The following EXT2 variants were observed in gnomAD, a reference collection of about 807,000 sequenced individuals.
EXT2 encodes exostosin glycosyltransferase 2.
Under a neutral mutation model 81.6 loss-of-function variants are expected in EXT2, and 53 were observed. The ratio of observed to expected loss-of-function variants is 0.65; its 90% confidence interval spans 0.52 to 0.82. The LOEUF (loss-of-function observed/expected upper bound fraction) is 0.82, where lower values mean the gene tolerates loss of function less well. Among genes scored for constraint, EXT2 ranks in the 40% least tolerant of loss-of-function variants. EXT2 has a pLI of 0.00. For synonymous variants in EXT2, 320 were observed against 340.0 expected, an observed-to-expected ratio of 0.94 and a Z score of 0.65; for missense variants, 774 against 910.2, an observed-to-expected ratio of 0.85 and a Z score of 1.93.
intron 3 of EXT2, among the ~76,000 whole-genome samples, 191 bp downstream of exon 3, chr11:44,109,474 T>C (rs139084852): frequency 3.6e-4 from 55 of 152,384 alleles, no homozygotes; most frequent in African/African-American, 1.3e-3. Flanking sequence ...TTAGGGCTTA[T>C]GTCCTGGCAT....
chr11:44,138,746 C>G (rs1954605447), intron 7 of EXT2, among the ~76,000 whole-genome samples: 1 of 152,126 alleles, frequency 6.6e-6, no homozygotes, highest in Non-Finnish European at 1.5e-5. Flanking sequence ...GTTGGAGAGA[C>G]TTGAATTTGA....
At chr11:44,138,179 A>G (rs910653984) in intron 7 of EXT2, among the ~76,000 whole-genome samples, 2 of 152,188 alleles carry the variant, frequency 1.3e-5, no homozygotes, top group Admixed American at 6.5e-5. Context: ...AATACCAGCA[A>G]CAGAGAACTT....
chr11:44,124,483 A>AC (rs1555005251), intron 4 of EXT2, among the ~76,000 whole-genome samples: 1 of 144,282 alleles, frequency 6.9e-6, no homozygotes. Context: ...ACACACACAC[A>AC]ATTTATAGCA....
intron 10 of EXT2, among the ~76,000 whole-genome samples, chr11:44,211,132 A>G (rs946916613): frequency 8.5e-5 from 13 of 152,338 alleles, no homozygotes; most frequent in African/African-American, 3.1e-4. Context: ...CAGAATAAAG[A>G]GTTTAGAAAT....
chr11:44,135,763 CT>C (rs1954557711), intron 7 of EXT2, among the ~76,000 whole-genome samples: 3 of 152,156 alleles, frequency 2.0e-5, no homozygotes, highest in Admixed American at 2.0e-4. Context: ...TCAGGTTTCA[CT>C]TTATCCTGGA....
chr11:44,159,980 A>G (rs552888005), intron 7 of EXT2, among the ~76,000 whole-genome samples: 73 of 152,356 alleles, frequency 4.8e-4, no homozygotes, highest in African/African-American at 1.4e-3. Flanking sequence ...CTTGTAAAAT[A>G]GTTTCTCCTC....
chr11:44,229,922 A>G (rs1955879424), intron 10 of EXT2, among the ~76,000 whole-genome samples: 1 of 152,230 alleles, frequency 6.6e-6, no homozygotes, highest in African/African-American at 2.4e-5. Flanking sequence ...TGCGTGGAAT[A>G]CCACAGTGTA....
chr11:44,196,198 CA>C (rs773481588), intron 8 of EXT2, among the ~76,000 whole-genome samples: 28 of 152,186 alleles, frequency 1.8e-4, no homozygotes, highest in Non-Finnish European at 3.8e-4. Context: ...GAGAATTGTA[CA>C]TTGAACTCAC....
At chr11:44,127,096 G>A (rs1954418867) in intron 6 of EXT2, 141 bp downstream of exon 6, 2 of 1,171,138 alleles carry the variant, frequency 1.7e-6, no homozygotes, top group South Asian at 2.6e-5. Flanking sequence ...AGGAGAGTTA[G>A]TACACTGGTC....
intron 13 of EXT2, among the ~76,000 whole-genome samples, chr11:44,237,901 T>TGA (rs1955985706): frequency 1.0e-5 from 1 of 95,736 alleles, no homozygotes; most frequent in Non-Finnish European, 2.0e-5. Flanking sequence ...CCGTCTCTAC[T>TGA]TAAAAAAAAA....
In EXT2 at chr11:44,170,810, TCACACACACACACA is replaced by T. The variant is rs58131996; in HGVS notation, c.1174-767_1174-754del. Among the ~76,000 whole-genome samples, 155 of 145,644 alleles carry T rather than the reference TCACACACACACACA, an allele frequency of 1.1e-3. 1 individual carries two copies. The highest frequency in any genetic ancestry group is 1.8e-3 in the South Asian group (8 of 4,456). On this transcript the variant is annotated intron_variant, in intron 7 of 13. Transcript: ENST00000533608. The stretch of plus-strand genomic sequence containing the variant: ...CATCCATAATTTAAAACGTTCACAT[TCACACACACACACA>T]CACACACACACACACACACACACAC...
intron 8 of EXT2, among the ~76,000 whole-genome samples, chr11:44,183,273 T>A (rs1041845920): frequency 4.6e-5 from 7 of 152,216 alleles, no homozygotes; most frequent in African/African-American, 1.4e-4. Context: ...TTTGAGACTA[T>A]GTGAATATCC....
At chr11:44,226,395 T>C (rs1164668172) in intron 10 of EXT2, among the ~76,000 whole-genome samples, 1 of 152,232 alleles carries the variant, frequency 6.6e-6, no homozygotes, top group Non-Finnish European at 1.5e-5. Flanking sequence ...GAACTCTACA[T>C]GACAACTTCT....
At position 44,120,912 on chromosome 11, in the gene EXT2, C is replaced by T. The variant is rs145430971; in HGVS notation, c.744-3877C>T. Among the ~76,000 whole-genome samples, 37 of 152,294 alleles carry T rather than the reference C, an allele frequency of 2.4e-4. No individual in the cohort carries two copies. In the East Asian group the frequency reaches 5.2e-3, roughly 21 times the overall value. ...TGCTTAAACTTAGATATCAGCACTG[C>T]TGGGAGGAGACATGAAAGCTATAGC... On this transcript the variant is annotated intron_variant, in intron 4 of 13. Transcript: ENST00000533608.
rs751947857 is a variant in EXT2, at chr11:44,107,759, C to G, written c.47C>G (p.Pro16Arg). Residue 16 changes from proline (P) to arginine (R), a missense_variant, in exon 2 of 14, where the codon CCA becomes CGA. Physicochemically the swap from Pro to Arg is moderately radical, Grantham distance 103. Around this residue, in one of 2 missense-constraint regions of EXT2, gnomAD observed 626 missense variants for 670.5 expected, o/e 0.93. Transcript: ENST00000533608. Reference protein sequence around the residue: ...KYNIRGPALIPRMKTKHRIYY... With the variant: ...KYNIRGPALIRRMKTKHRIYY... ...AATATCCGGGGTCCTGCCCTCATCC[C>G]AAGAATGAAGACCAAGCACCGAATC... 1.9e-6 allele frequency: 3 copies of G among 1,614,168 alleles called. No homozygotes were observed. The highest frequency in any genetic ancestry group is 2.5e-6 in the Non-Finnish European group (3 of 1,180,042).
rs534205427 is a variant in EXT2, at chr11:44,225,279, C to T, written c.1663-7074C>T. Among the ~76,000 whole-genome samples the T allele has an allele frequency of 2.6e-5, 4 of 152,290 alleles. No homozygotes were observed. The South Asian group carries it at 8.3e-4, about 32-fold the overall frequency. ...CTTTTTGCTTGTGTTTCCTTCTCTGCCTCAGAGCCTCACAGATTACGAGGT... is the reference window on the plus strand; with the variant it reads ...CTTTTTGCTTGTGTTTCCTTCTCTGTCTCAGAGCCTCACAGATTACGAGGT... On this transcript the variant is annotated intron_variant, in intron 10 of 13. Coordinates refer to ENST00000533608, the MANE Select transcript of EXT2 (RefSeq NM_207122.2).
At chr11:44,178,328 A>T (rs890332208) in intron 8 of EXT2, among the ~76,000 whole-genome samples, 5 of 152,116 alleles carry the variant, frequency 3.3e-5, no homozygotes, top group Admixed American at 1.3e-4. Context: ...CCATATTTTG[A>T]TGTGGGATTT....
chr11:44,207,561 C>T (rs1038791281), intron 10 of EXT2, among the ~76,000 whole-genome samples: 6 of 152,080 alleles, frequency 3.9e-5, no homozygotes, highest in East Asian at 1.9e-4. Context: ...ATTGATGGGC[C>T]CTGTCAGGGT....
intron 7 of EXT2, among the ~76,000 whole-genome samples, chr11:44,161,319 C>T (rs1954924214): frequency 6.6e-6 from 1 of 152,048 alleles, no homozygotes; most frequent in African/African-American, 2.4e-5. Context: ...GACAGAATGC[C>T]ATACTTTATG....
Sources: allele counts gnomAD v4.1 joint callset (sites outside exome capture counted in the v4.1 genomes callset), GRCh38; gene constraint gnomAD v4.1.1; regional missense constraint gnomAD v4.1.1; transcripts MANE v1.5; gene names NCBI Gene and HGNC (gene_info 2026-07-23, HGNC 2026-07-21).